CTNNA2: variants seen among roughly 807,000 people sequenced by gnomAD.
The protein encoded by CTNNA2 is catenin alpha-2.
A neutral mutation model predicts 101.0 loss-of-function variants in CTNNA2; 42 were observed. The observed-to-expected ratio is 0.42, with a 90% CI of 0.32 to 0.54. The LOEUF (loss-of-function observed/expected upper bound fraction) is 0.54, where lower values mean the gene tolerates loss of function less well. Among genes scored for constraint, CTNNA2 ranks in the 20% least tolerant of loss-of-function variants. CTNNA2 has a pLI of 0.14. For missense variants in CTNNA2, 871 were observed against 1,223.1 expected (o/e 0.71, Z 4.29); for synonymous variants, 450 against 456.4 (o/e 0.99, Z 0.18).
At chr2:79,821,755 G>A (rs906802806) in intron 3 of CTNNA2, among the ~76,000 whole-genome samples, 3 of 152,130 alleles carry the variant, frequency 2.0e-5, no homozygotes, top group African/African-American at 7.2e-5. Flanking sequence ...AAATCAAGGT[G>A]TACATCCCAT....
intron 4 of CTNNA2, among the ~76,000 whole-genome samples, chr2:79,425,360 TC>T (rs1482239910): frequency 6.6e-6 from 1 of 152,152 alleles, no homozygotes; most frequent in Non-Finnish European, 1.5e-5. Context: ...ATTATTTTAG[TC>T]CATTTGTGCT....
chr2:80,567,805 T>A (rs1212551913), intron 12 of CTNNA2, among the ~76,000 whole-genome samples: 4 of 152,164 alleles, frequency 2.6e-5, no homozygotes, highest in Non-Finnish European at 5.9e-5. Flanking sequence ...TTGTACTAAT[T>A]CCTGCACAGG....
At chr2:80,448,288 G>A (rs1346181010) in intron 9 of CTNNA2, among the ~76,000 whole-genome samples, 1 of 152,184 alleles carries the variant, frequency 6.6e-6, no homozygotes, top group Non-Finnish European at 1.5e-5. Context: ...GGGTATTTTA[G>A]GGTGATGCTT....
intron 7 of CTNNA2, among the ~76,000 whole-genome samples, chr2:80,199,565 A>G (rs998051287): frequency 3.9e-5 from 6 of 152,308 alleles, no homozygotes; most frequent in South Asian, 4.1e-4. Context: ...GGAGTAGCAC[A>G]TGGGAGGTGA....
In CTNNA2 at chr2:79,386,973, T is replaced by TTGAGAAA. The variant is rs1163694432; in HGVS notation, c.-135+12962_-135+12968dup. ...AGGCCACTGATGTGTGGATGCCACT[T>TTGAGAAA]TGAGAAATATTGGTCTAAATAGAAT... On this transcript the variant is annotated intron_variant, in intron 4 of 21. Coordinates refer to the CTNNA2 transcript ENST00000466387. 2.0e-5 allele frequency among the ~76,000 whole-genome samples: 3 copies of TTGAGAAA among 152,308 alleles called. No homozygotes were observed. The East Asian group carries it at 5.8e-4, about 29-fold the overall frequency.
intron 3 of CTNNA2, among the ~76,000 whole-genome samples, chr2:79,769,156 G>A (rs1448010753): frequency 2.6e-5 from 4 of 152,138 alleles, no homozygotes; most frequent in Non-Finnish European, 4.4e-5. Context: ...TGCTCGGCCT[G>A]TGTGACTGTT....
chr2:80,149,635 G>A (rs1475769712), intron 7 of CTNNA2, among the ~76,000 whole-genome samples: 1 of 152,086 alleles, frequency 6.6e-6, no homozygotes, highest in Non-Finnish European at 1.5e-5. Context: ...GTAACTGTAG[G>A]CCTAGCAGCA....
rs116282491 is a variant in CTNNA2, at chr2:80,444,531, G to A, written c.1290+24930G>A. ...TCTCCTGGGGACTGTCCTATGAATT[G>A]TGGGATGTTGATAGGGCTGAATTGT... On this transcript the variant is annotated intron_variant, in intron 9 of 18. Coordinates refer to ENST00000402739, the MANE Select transcript of CTNNA2 (RefSeq NM_001282597.3). Among the ~76,000 whole-genome samples the A allele has an allele frequency of 3.2e-3, 488 of 152,268 alleles. 4 individuals are homozygous for A. Among genetic ancestry groups the A allele is most frequent in the African/African-American group, 0.011 (445 of 41,556 alleles).
intron 7 of CTNNA2, among the ~76,000 whole-genome samples, chr2:79,915,209 A>G (rs1686108288): frequency 6.6e-6 from 1 of 152,108 alleles, no homozygotes; most frequent in African/African-American, 2.4e-5. Context: ...AGAAGAAAAT[A>G]AAACATCTCA....
At chr2:79,334,613 TAAA>T (rs1035420706) in intron 3 of CTNNA2, among the ~76,000 whole-genome samples, 1 of 148,038 alleles carries the variant, frequency 6.8e-6, no homozygotes, top group Non-Finnish European at 1.5e-5. Context: ...AAGAGAAGAA[TAAA>T]AAAAGGATGG....
chr2:80,260,569 G>A (rs1311133633), intron 7 of CTNNA2, among the ~76,000 whole-genome samples: 1 of 151,986 alleles, frequency 6.6e-6, no homozygotes, highest in Admixed American at 6.6e-5. Context: ...TCGTTGTTTT[G>A]TTTTTCAACG....
intron 3 of CTNNA2, among the ~76,000 whole-genome samples, chr2:79,828,622 A>T (rs1678625902): frequency 6.6e-6 from 1 of 152,032 alleles, no homozygotes; most frequent in Non-Finnish European, 1.5e-5. Context: ...AAATCCTAGG[A>T]ATAGAGTTTC....
intron 2 of CTNNA2, among the ~76,000 whole-genome samples, chr2:79,654,086 C>T (rs1558806659): frequency 6.6e-6 from 1 of 152,174 alleles, no homozygotes; most frequent in Non-Finnish European, 1.5e-5. Context: ...TCTGAGTCTG[C>T]ACCAGCAGAG....
intron 7 of CTNNA2, among the ~76,000 whole-genome samples, chr2:80,082,539 C>T (rs1444978013): frequency 6.6e-6 from 1 of 152,024 alleles, no homozygotes; most frequent in Non-Finnish European, 1.5e-5. Context: ...GGGTAAACTC[C>T]AGGCAGGTGC....
intron 18 of CTNNA2, among the ~76,000 whole-genome samples, chr2:80,635,990 T>G (rs1435140972): frequency 2.0e-5 from 3 of 150,038 alleles, no homozygotes; most frequent in African/African-American, 7.4e-5. Context: ...TTTTTTTTTT[T>G]GATATATATC....
chr2:80,549,299 C>A (rs993521930), intron 11 of CTNNA2, among the ~76,000 whole-genome samples: 10 of 152,154 alleles, frequency 6.6e-5, no homozygotes, highest in African/African-American at 2.2e-4. Context: ...TTAACTTGAT[C>A]TCATAATGCC....
chr2:79,616,953 G>T (rs558918177), intron 1 of CTNNA2, among the ~76,000 whole-genome samples: 1 of 150,904 alleles, frequency 6.6e-6, no homozygotes, highest in African/African-American at 2.5e-5. Context: ...CCAGGCTGGG[G>T]TAGAATGGTG....
chr2:79,757,397 A>C (rs975467530), intron 3 of CTNNA2, among the ~76,000 whole-genome samples: 3 of 152,228 alleles, frequency 2.0e-5, no homozygotes, highest in Non-Finnish European at 4.4e-5. Flanking sequence ...ATCTGTATGA[A>C]TAAGAATCAG....
At chr2:79,520,610 G>A in intron 1 of CTNNA2, among the ~76,000 whole-genome samples, 1 of 152,158 alleles carries the variant, frequency 6.6e-6, no homozygotes, top group East Asian at 1.9e-4. Flanking sequence ...ACTTTATCTA[G>A]ACTATGTATA....
Sources: gnomAD v4.1 joint callset for allele counts (sites outside exome capture counted in the v4.1 genomes callset) on GRCh38, gnomAD v4.1.1 for gene constraint, MANE v1.5 for transcripts, NCBI Gene and HGNC (gene_info 2026-07-23, HGNC 2026-07-21) for gene names.